The following GLIS3 variants were observed in gnomAD, a reference collection of about 807,000 sequenced individuals.
GLIS3 encodes the protein zinc finger protein GLIS3.
In GLIS3, 53 loss-of-function variants were observed where a neutral mutation model predicts 78.6. That is an observed-to-expected ratio of 0.67 (90% CI 0.54 to 0.85). GLIS3 has a LOEUF of 0.85. Among genes scored for constraint, GLIS3 ranks in the 40% least tolerant of loss-of-function variants. The probability of loss-of-function intolerance (pLI) is 0.00; values close to 1 mark genes in which losing one functional copy is unlikely to be tolerated. For synonymous variants in GLIS3, 684 were observed against 509.9 expected, an observed-to-expected ratio of 1.34 and a Z score of -4.60; for missense variants, 1,703 against 1,231.1, an observed-to-expected ratio of 1.38 and a Z score of -5.74.
chr9:4,489,106 A>C, the GLIS3 span, among the ~76,000 whole-genome samples: 2 of 152,022 alleles, frequency 1.3e-5, no homozygotes, highest in African/African-American at 4.8e-5. Flanking sequence ...TGACCTCGTG[A>C]TCCGCTCGCC....
At chr9:3,839,028 A>AG (rs1193304039) in intron 9 of GLIS3, among the ~76,000 whole-genome samples, 1 of 152,228 alleles carries the variant, frequency 6.6e-6, no homozygotes, top group Non-Finnish European at 1.5e-5. Flanking sequence ...AGAAAGGCCC[A>AG]GGGAATCATA....
the GLIS3 span, among the ~76,000 whole-genome samples, chr9:4,369,657 A>G: frequency 9.2e-5 from 14 of 152,300 alleles, no homozygotes; most frequent in Non-Finnish European, 1.6e-4. Flanking sequence ...TCACATGCAC[A>G]TGGAGGATTA....
chr9:3,979,953 T>C (rs1306883270), intron 4 of GLIS3, among the ~76,000 whole-genome samples: 1 of 152,086 alleles, frequency 6.6e-6, no homozygotes, highest in Non-Finnish European at 1.5e-5. Context: ...GAACGGCAGA[T>C]AACGGTAAGT....
At chr9:4,233,004 C>A (rs1563799254) in intron 2 of GLIS3, among the ~76,000 whole-genome samples, 1 of 152,200 alleles carries the variant, frequency 6.6e-6, no homozygotes. Context: ...TACTCCACTT[C>A]CAAGACCATT....
At chr9:4,116,495 A>C (rs1214801268) in intron 4 of GLIS3, among the ~76,000 whole-genome samples, 2 of 152,246 alleles carry the variant, frequency 1.3e-5, no homozygotes, top group Non-Finnish European at 2.9e-5. Flanking sequence ...AAGAAATGCA[A>C]TTCCATTCCA....
At chr9:3,915,814 A>C (rs1196462916) in intron 6 of GLIS3, among the ~76,000 whole-genome samples, 1 of 152,182 alleles carries the variant, frequency 6.6e-6, no homozygotes, top group Non-Finnish European at 1.5e-5. Context: ...GGTAATTTTT[A>C]GTTCACTAGA....
intron 2 of GLIS3, among the ~76,000 whole-genome samples, chr9:4,150,075 T>C (rs1462271446): frequency 6.6e-6 from 1 of 152,106 alleles, no homozygotes; most frequent in East Asian, 1.9e-4. Flanking sequence ...AGCACAAAGA[T>C]AATTTCACAG....
At chr9:4,232,961 C>T (rs369164484) in intron 2 of GLIS3, among the ~76,000 whole-genome samples, 2 of 152,152 alleles carry the variant, frequency 1.3e-5, no homozygotes, top group East Asian at 3.8e-4. Context: ...GTATTTAAGC[C>T]AGGTTCTTCT....
At chr9:4,417,853 C>T in the GLIS3 span, among the ~76,000 whole-genome samples, 1 of 152,154 alleles carries the variant, frequency 6.6e-6, no homozygotes, top group Non-Finnish European at 1.5e-5. Context: ...AGGAGCTTCC[C>T]CCTTTTCTCC....
chr9:4,179,944 A>G (rs1204225490), intron 2 of GLIS3, among the ~76,000 whole-genome samples: 1 of 152,122 alleles, frequency 6.6e-6, no homozygotes, highest in Non-Finnish European at 1.5e-5. Flanking sequence ...CCGCGTTAAC[A>G]GCATTTTTAT....
At chr9:4,205,073 G>A (rs1424439467) in intron 2 of GLIS3, among the ~76,000 whole-genome samples, 1 of 151,850 alleles carries the variant, frequency 6.6e-6, no homozygotes, top group Admixed American at 6.6e-5. Flanking sequence ...CTACTTGGGA[G>A]GCTGAGGCAG....
chr9:4,386,009 G>A, the GLIS3 span, among the ~76,000 whole-genome samples: 1 of 152,250 alleles, frequency 6.6e-6, no homozygotes, highest in East Asian at 1.9e-4. Flanking sequence ...TCTATTTATG[G>A]CATCTTTGCT....
At chr9:4,303,218 T>G (rs1216481579), upstream of GLIS3, among the ~76,000 whole-genome samples, 1 of 151,768 alleles carries the variant, frequency 6.6e-6, no homozygotes, top group East Asian at 1.9e-4. Flanking sequence ...AAAATACAGA[T>G]AAGTTGAGCT....
intron 4 of GLIS3, among the ~76,000 whole-genome samples, chr9:4,053,115 T>C (rs1825856863): frequency 6.6e-6 from 1 of 152,132 alleles, no homozygotes; most frequent in Non-Finnish European, 1.5e-5. Flanking sequence ...ATCTGGCTAA[T>C]TTTTGTATTT....
At chr9:4,152,107 T>G (rs1834731694) in intron 2 of GLIS3, 1 of 981,104 alleles carries the variant, frequency 1.0e-6, no homozygotes, top group Non-Finnish European at 1.2e-6. Context: ...TCTACGGCCA[T>G]TCAAACCTCT....
chr9:4,370,201 AAAC>A, the GLIS3 span, among the ~76,000 whole-genome samples: 3 of 151,436 alleles, frequency 2.0e-5, no homozygotes, highest in South Asian at 4.2e-4. Flanking sequence ...AAAAAAAAAA[AAAC>A]AACCAAAAAA....
At chr9:4,027,657 G>C (rs1823457787) in intron 4 of GLIS3, among the ~76,000 whole-genome samples, 1 of 152,156 alleles carries the variant, frequency 6.6e-6, no homozygotes, top group African/African-American at 2.4e-5. Flanking sequence ...CTTGTTCTCT[G>C]TTCCTAAACA....
the GLIS3 span, among the ~76,000 whole-genome samples, chr9:4,480,358 T>C: frequency 6.6e-6 from 1 of 151,732 alleles, no homozygotes; most frequent in Non-Finnish European, 1.5e-5. Flanking sequence ...GCATGTGCCA[T>C]CACACCTGTC....
the GLIS3 span, among the ~76,000 whole-genome samples, chr9:4,457,188 C>A: frequency 6.6e-6 from 1 of 151,898 alleles, no homozygotes; most frequent in Non-Finnish European, 1.5e-5. Context: ...TATAGTGAGA[C>A]CCTGTCTCTA....
Sources: allele counts gnomAD v4.1 joint callset (sites outside exome capture counted in the v4.1 genomes callset), GRCh38; gene constraint gnomAD v4.1.1; transcripts MANE v1.5; gene names NCBI Gene and HGNC (gene_info 2026-07-23, HGNC 2026-07-21).